LMF1: variants seen among roughly 807,000 people sequenced by gnomAD.
LMF1 encodes the protein lipase maturation factor 1.
Under a neutral mutation model 60.6 loss-of-function variants are expected in LMF1, and 68 were observed. The ratio of observed to expected loss-of-function variants is 1.12; its 90% CI spans 0.92 to 1.37. The LOEUF is 1.37. LMF1 is among the 40% of genes most tolerant of loss of function. The pLI is 0.00. For missense variants in LMF1, 948 were observed against 767.2 expected (o/e 1.24, Z -2.78); for synonymous variants, 418 against 324.7 (o/e 1.29, Z -3.09).
chr16:909,892 G>A (rs2071064238), intron 4 of LMF1, among the ~76,000 whole-genome samples: 1 of 152,272 alleles, frequency 6.6e-6, no homozygotes, highest in Non-Finnish European at 1.5e-5. Context: ...CCGTGGCCCT[G>A]GCGTGAGCGC....
At chr16:868,657 A>G (rs534249705) in intron 10 of LMF1, among the ~76,000 whole-genome samples, 5 of 151,952 alleles carry the variant, frequency 3.3e-5, no homozygotes, top group African/African-American at 2.4e-5. Context: ...CAAAGCTGTG[A>G]GCCGGGGTCA....
At chr16:912,191 G>A (rs558984676) in intron 3 of LMF1, among the ~76,000 whole-genome samples, 10 of 152,252 alleles carry the variant, frequency 6.6e-5, no homozygotes, top group Admixed American at 2.0e-4. Flanking sequence ...GCCACAGAGC[G>A]GATGGGAGAG....
intron 5 of LMF1, among the ~76,000 whole-genome samples, chr16:887,519 C>T (rs941998325): frequency 6.6e-6 from 1 of 152,194 alleles, no homozygotes; most frequent in African/African-American, 2.4e-5. Flanking sequence ...GTCAGCAAGG[C>T]TGCTCTAGGC....
intron 3 of LMF1, among the ~76,000 whole-genome samples, chr16:916,762 G>C (rs1394710036): frequency 6.6e-6 from 1 of 152,238 alleles, no homozygotes; most frequent in Non-Finnish European, 1.5e-5. Flanking sequence ...ACAAGTGCAG[G>C]CTCTGCCACT....
chr16:912,326 C>T (rs988494851), intron 3 of LMF1, among the ~76,000 whole-genome samples: 15 of 151,844 alleles, frequency 9.9e-5, no homozygotes, highest in Non-Finnish European at 1.8e-4. Context: ...ACAGAGAGGA[C>T]GGGAGAGTGC....
At chr16:888,743 G>GTC (rs1360345387) in intron 5 of LMF1, among the ~76,000 whole-genome samples, 1 of 151,390 alleles carries the variant, frequency 6.6e-6, no homozygotes, top group African/African-American at 2.4e-5. Flanking sequence ...CACTGGGGGG[G>GTC]GTCCTAGGTA....
In LMF1 at chr16:970,824, GGGTCAGCCAGAA is replaced by G; in HGVS notation, c.145_156del (p.Phe49_Thr52del). Reference sequence around the variant, plus strand: ...GCTAGGGCCTTCAGGAGCACGATCCGGGTCAGCCAGAAGGTGCCCGTGTGGAGATGGGCCGGA... The same window carrying G: ...GCTAGGGCCTTCAGGAGCACGATCCGGGTGCCCGTGTGGAGATGGGCCGGA... On this transcript the variant is annotated inframe_deletion, in exon 1 of 11. Transcript: ENST00000262301. 1 of 1,545,994 alleles carries G rather than the reference GGGTCAGCCAGAA, an allele frequency of 6.5e-7. No homozygotes were observed. Among genetic ancestry groups the G allele is most frequent in the Non-Finnish European group, 8.7e-7 (1 of 1,146,006 alleles).
chr16:855,774 T>C lies in LMF1; in HGVS notation c.1530-1068A>G, dbSNP rs1188030413. 1.3e-5 allele frequency: 6 copies of C among 455,896 alleles called. No individual in the cohort carries two copies. The highest frequency in any genetic ancestry group is 2.6e-5 in the Non-Finnish European group (6 of 226,774). 28.2% of individuals were successfully genotyped at this position (455,896 alleles called of 1,614,324 possible). A position where few individuals can be genotyped will look rare whatever the true frequency, so the allele number is the denominator to read the frequency against. On this transcript the variant is annotated intron_variant, in intron 10 of 10. Coordinates refer to ENST00000262301, the MANE Select transcript of LMF1 (RefSeq NM_022773.4). ...CAGGCAGGTGCCAGAGGCTTCACACTGCACCAGGGCCCGGTAGCGACTGTC... is the reference window on the plus strand; with the variant it reads ...CAGGCAGGTGCCAGAGGCTTCACACCGCACCAGGGCCCGGTAGCGACTGTC...
At chr16:939,263 G>A (rs367991725) in intron 2 of LMF1, among the ~76,000 whole-genome samples, 2,402 of 152,268 alleles carry the variant, frequency 0.016, 27 homozygotes, top group Middle Eastern at 0.041. Context: ...TGTCCCCGCC[G>A]TGAGCACGAA....
At chr16:956,909 C>G (rs1451500171) in intron 1 of LMF1, among the ~76,000 whole-genome samples, 1 of 151,122 alleles carries the variant, frequency 6.6e-6, no homozygotes, top group Non-Finnish European at 1.5e-5. Context: ...AATTCCAGCA[C>G]TTTGGGAGGC....
chr16:976,781 T>C, intron 1 of LMF1: 1 of 454,114 alleles, frequency 2.2e-6, no homozygotes, highest in Non-Finnish European at 4.4e-6. Context: ...CGTGCACCTG[T>C]CACTGGGGAG....
At chr16:857,023 C>A (rs1238855203) in intron 10 of LMF1, among the ~76,000 whole-genome samples, 2 of 152,268 alleles carry the variant, frequency 1.3e-5, no homozygotes. Context: ...ATGAGTGGAA[C>A]CCTGCGGCAC....
chr16:879,636 C>T lies in LMF1; in HGVS notation c.831G>A (p.Val277=), dbSNP rs947044852. The change falls in exon 6 of 11, where the codon GTG becomes GTA. Residue 277 remains valine, a synonymous_variant. Coordinates refer to ENST00000262301, the MANE Select transcript of LMF1 (RefSeq NM_022773.4). ...TLSNHFIELL[V]PFFLFLGRRA... ...GCCGGCCGAGGAAGAGGAAGAAGGG[C>T]ACCAGGAGCTCGATGAAGTGGTTGC... 1.5e-5 allele frequency: 25 copies of T among 1,613,452 alleles called. No individual in the cohort carries two copies. Among genetic ancestry groups the T allele is most frequent in the Non-Finnish European group, 1.9e-5 (23 of 1,179,738 alleles).
chr16:869,821 C>G, intron 9 of LMF1, 62 bp downstream of exon 9: 2 of 1,531,112 alleles, frequency 1.3e-6, no homozygotes, highest in Non-Finnish European at 1.8e-6. Flanking sequence ...AACCTGCCAT[C>G]TATGGGCAGA....
intron 2 of LMF1, among the ~76,000 whole-genome samples, chr16:948,721 C>CCGCCAACGACAGAGTCAG (rs2072327650): frequency 4.0e-5 from 2 of 50,446 alleles, no homozygotes; most frequent in African/African-American, 1.8e-4. Flanking sequence ...ACGACAGAGT[C>CCGCCAACGACAGAGTCAG]AGCCAATGAC....
chr16:974,837 C>A (rs1340490404), upstream of LMF1, among the ~76,000 whole-genome samples: 1 of 152,238 alleles, frequency 6.6e-6, no homozygotes, highest in African/African-American at 2.4e-5. Context: ...TCTCTGGCAC[C>A]CGCAGGAAGC....
At position 931,792 on chromosome 16, in the gene LMF1, C is replaced by T. The variant is rs559176411; in HGVS notation, c.514+2452G>A. 4.0e-3 allele frequency: 5,147 copies of T among 1,286,224 alleles called. 15 individuals carry two copies. The highest frequency in any genetic ancestry group is 7.5e-3 in the Middle Eastern group (23 of 3,062). The allele number at this position is 1,286,224 out of a possible 1,614,324, so 79.7% of individuals were successfully genotyped here. On this transcript the variant is annotated intron_variant, in intron 3 of 10. Transcript: ENST00000262301. Reference sequence around the variant, plus strand: ...GACAGTCCAAAGTGACGTGCTGAGCCGCTGCAGGGTCAGACACAACATGAA... The same window carrying T: ...GACAGTCCAAAGTGACGTGCTGAGCTGCTGCAGGGTCAGACACAACATGAA...
upstream of LMF1, chr16:981,346 G>GAC: frequency 4.5e-6 from 1 of 221,976 alleles, no homozygotes; most frequent in African/African-American, 4.2e-5. Context: ...GAGAGAGAGA[G>GAC]AGTGTGTGTG....
intron 3 of LMF1, among the ~76,000 whole-genome samples, chr16:926,032 A>G (rs2071587051): frequency 6.6e-6 from 1 of 151,168 alleles, no homozygotes; most frequent in Admixed American, 6.6e-5. Flanking sequence ...TGGTCTGCAT[A>G]CCTGTGTGCG....
Sources: allele counts gnomAD v4.1 joint callset (sites outside exome capture counted in the v4.1 genomes callset), GRCh38; gene constraint gnomAD v4.1.1; transcripts MANE v1.5; gene names NCBI Gene and HGNC (gene_info 2026-07-23, HGNC 2026-07-21).